Variants in FKBP6 observed in about 807,000 individuals in gnomAD.
FKBP6 encodes the protein inactive peptidyl-prolyl cis-trans isomerase FKBP6.
Under a neutral mutation model 41.7 loss-of-function variants are expected in FKBP6, and 29 were observed. The observed-to-expected ratio is 0.70, with a 90% CI of 0.52 to 0.95. FKBP6 has a LOEUF of 0.95. Among genes scored for constraint, FKBP6 ranks in the 40% least tolerant of loss-of-function variants. The pLI, the probability that FKBP6 is intolerant of heterozygous loss-of-function variation, is 0.00. For missense variants in FKBP6, 338 were observed against 408.7 expected (o/e 0.83, Z 1.49); for synonymous variants, 130 against 165.1 (o/e 0.79, Z 1.63).
At chr7:73,355,070 A>G (rs963958110) in intron 8 of FKBP6, among the ~76,000 whole-genome samples, 7 of 152,128 alleles carry the variant, frequency 4.6e-5, no homozygotes, top group Non-Finnish European at 1.0e-4. Context: ...ATTACTGCTT[A>G]TTATGTTGTG....
chr7:73,330,641 T>C (rs1804811003), intron 4 of FKBP6, among the ~76,000 whole-genome samples: 1 of 152,230 alleles, frequency 6.6e-6, no homozygotes, highest in African/African-American at 2.4e-5. Flanking sequence ...TGTGAGACAG[T>C]GAACACTTGC....
At chr7:73,330,380 C>T in intron 4 of FKBP6, 28 bp downstream of exon 4, 2 of 1,537,700 alleles carry the variant, frequency 1.3e-6, no homozygotes, top group South Asian at 2.2e-5. Flanking sequence ...GATGTCAGCA[C>T]TTTATAGAGA....
intron 5 of FKBP6, among the ~76,000 whole-genome samples, chr7:73,335,861 G>A (rs1804991423): frequency 6.6e-6 from 1 of 152,140 alleles, no homozygotes; most frequent in African/African-American, 2.4e-5. Flanking sequence ...CCTTAGGGTT[G>A]GAGAAAGTAG....
chr7:73,331,870 G>GTTTTGT (rs1451688738), intron 5 of FKBP6, 94 bp downstream of exon 5: 4 of 1,414,252 alleles, frequency 2.8e-6, no homozygotes, highest in Non-Finnish European at 4.0e-6. Flanking sequence ...TTTTTGTTTT[G>GTTTTGT]TTTTGTTTTT....
intron 5 of FKBP6, among the ~76,000 whole-genome samples, chr7:73,332,935 G>T (rs1554547944): frequency 6.6e-6 from 1 of 152,136 alleles, no homozygotes. Context: ...TTCTTGTGTA[G>T]GTTATGCTGA....
chr7:73,336,691 G>A (rs1805014583), intron 5 of FKBP6: 14 of 455,898 alleles, frequency 3.1e-5, no homozygotes, highest in South Asian at 2.2e-4. Flanking sequence ...ACATGTACCA[G>A]CACACCACTG....
chr7:73,340,916 T>TA, intron 6 of FKBP6, 84 bp downstream of exon 6: 31 of 728,984 alleles, frequency 4.3e-5, no homozygotes, highest in Non-Finnish European at 6.3e-5. Flanking sequence ...AAAAATGCTG[T>TA]CTTTTTTTTT....
intron 5 of FKBP6, among the ~76,000 whole-genome samples, chr7:73,334,004 G>A (rs562250567): frequency 6.6e-6 from 1 of 152,224 alleles, no homozygotes; most frequent in South Asian, 2.1e-4. Flanking sequence ...CCCGGGAGGT[G>A]GAGGTTGCAG....
chr7:73,349,061 C>A (rs1226035112), intron 8 of FKBP6, among the ~76,000 whole-genome samples: 1 of 151,508 alleles, frequency 6.6e-6, no homozygotes, highest in Non-Finnish European at 1.5e-5. Flanking sequence ...ACCCAGATCA[C>A]GCCACTGCAC....
At chr7:73,357,960 C>T (rs1554552196) in intron 8 of FKBP6, among the ~76,000 whole-genome samples, 1 of 148,586 alleles carries the variant, frequency 6.7e-6, no homozygotes, top group Non-Finnish European at 1.5e-5. Context: ...TGCACTCCAG[C>T]TGGGTGACAG....
chr7:73,342,850 C>T lies in FKBP6; in HGVS notation c.937C>T (p.Arg313Cys), dbSNP rs782368762. 7.4e-6 allele frequency: 12 copies of T among 1,613,932 alleles called. No homozygotes were observed. Among genetic ancestry groups the T allele is most frequent in the African/African-American group, 2.7e-5 (2 of 74,936 alleles). Residue 313 changes from arginine (R) to cysteine (C), a missense_variant, in exon 8 of 9, where the codon CGC (arginine) becomes TGC (cysteine). Arg to Cys is a radical substitution (Grantham distance 180). Around this residue, in one of 2 missense-constraint regions of FKBP6, gnomAD observed 239 missense variants for 250.1 expected, o/e 0.96. Coordinates refer to ENST00000252037, the MANE Select transcript of FKBP6 (RefSeq NM_003602.5). ...GGATAAAGAGAAAGAAATGTGGCAC[C>T]GCATGTTCGCGCCCTGTGGCGATGG... ...YVDKEKEMWH[R>C]MFAPCGDGST... is the part of the protein sequence containing the mutation.
intron 5 of FKBP6, 46 bp from the exon 6 acceptor site, chr7:73,340,592 C>T: frequency 6.6e-7 from 1 of 1,521,470 alleles, no homozygotes; most frequent in East Asian, 2.3e-5. Flanking sequence ...GGGTTTTGTA[C>T]ATAAGACTGT....
chr7:73,328,451 A>G lies in FKBP6; in HGVS notation c.23A>G (p.Gln8Arg). Residue 8 changes from glutamine (Q) to arginine (R), a missense_variant, in exon 1 of 9, where the codon CAG becomes CGG. By Grantham distance (43) the Gln-to-Arg change is conservative (BLOSUM62 1). Transcript: ENST00000252037. Reference sequence around the variant, plus strand: ...GACATGGGGGGAAGCGCGTTAAACCAGGGAGTCCTGGAAGGGGACGACGCC... The same window carrying G: ...GACATGGGGGGAAGCGCGTTAAACCGGGGAGTCCTGGAAGGGGACGACGCC... MGGSALN[Q>R]GVLEGDDAPG... 6.4e-7 allele frequency: 1 copy of G among 1,554,366 alleles called. No individual in the cohort carries two copies. Among genetic ancestry groups the G allele is most frequent in the South Asian group, 1.2e-5 (1 of 84,768 alleles).
chr7:73,331,086 T>G (rs1804826471), intron 4 of FKBP6, among the ~76,000 whole-genome samples: 1 of 152,160 alleles, frequency 6.6e-6, no homozygotes, highest in Admixed American at 6.5e-5. Context: ...TTCTTGCAAA[T>G]GCCTCGTCCC....
At chr7:73,338,268 C>T (rs1179671783) in intron 5 of FKBP6, among the ~76,000 whole-genome samples, 2 of 152,248 alleles carry the variant, frequency 1.3e-5, no homozygotes, top group African/African-American at 2.4e-5. Flanking sequence ...TCAGATGATC[C>T]GCCCACCTCA....
At chr7:73,352,478 C>T (rs1346052899) in intron 8 of FKBP6, among the ~76,000 whole-genome samples, 3 of 152,178 alleles carry the variant, frequency 2.0e-5, no homozygotes, top group Non-Finnish European at 4.4e-5. Flanking sequence ...TGACATCAAG[C>T]CAGTGCCTTG....
At chr7:73,356,673 A>G (rs1283707737) in intron 8 of FKBP6, among the ~76,000 whole-genome samples, 1 of 152,200 alleles carries the variant, frequency 6.6e-6, no homozygotes, top group African/African-American at 2.4e-5. Flanking sequence ...GTTATTTTTG[A>G]TAACTCTGTC....
At chr7:73,351,334 TTGTAATTA>T (rs1805485318) in intron 8 of FKBP6, among the ~76,000 whole-genome samples, 1 of 152,176 alleles carries the variant, frequency 6.6e-6, no homozygotes, top group Non-Finnish European at 1.5e-5. Context: ...CTGGCAATTT[TTGTAATTA>T]ATTTTTCTGA....
intron 5 of FKBP6, among the ~76,000 whole-genome samples, chr7:73,334,216 A>G (rs782593908): frequency 3.3e-5 from 5 of 152,148 alleles, no homozygotes; most frequent in Non-Finnish European, 5.9e-5. Flanking sequence ...CGGCATTCCT[A>G]AATTTTACGG....
Sources: gnomAD v4.1 joint callset for allele counts (sites outside exome capture counted in the v4.1 genomes callset) on GRCh38, gnomAD v4.1.1 for gene constraint, gnomAD v4.1.1 regional missense constraint, MANE v1.5 for transcripts, NCBI Gene and HGNC (gene_info 2026-07-23, HGNC 2026-07-21) for gene names.